Variants in RELCH observed in about 807,000 individuals in gnomAD.
The protein encoded by RELCH is RAB11 binding and LisH domain, coiled-coil and HEAT repeat containing, also known as RAB11-binding protein RELCH.
In RELCH, 41 loss-of-function variants were observed where a neutral mutation model predicts 150.3. The observed-to-expected ratio is 0.27, with a 90% CI of 0.21 to 0.35. The LOEUF is 0.35. Ranked by LOEUF, RELCH falls within the 10% of genes least tolerant of loss-of-function variation. The pLI, the probability that RELCH is intolerant of heterozygous loss-of-function variation, is 1.00. For synonymous variants in RELCH, 478 were observed against 531.8 expected (o/e 0.90, Z 1.39); for missense variants, 1,092 against 1,467.8 (o/e 0.74, Z 4.18).
intron 26 of RELCH, among the ~76,000 whole-genome samples, chr18:62,290,522 A>G (rs1331815285): frequency 1.3e-5 from 2 of 152,050 alleles, no homozygotes; most frequent in African/African-American, 4.8e-5. Flanking sequence ...GAAGAGCAAA[A>G]AATTCTGTTA....
intron 1 of RELCH, among the ~76,000 whole-genome samples, chr18:62,207,513 A>T (rs2039880749): frequency 6.6e-6 from 1 of 152,196 alleles, no homozygotes; most frequent in African/African-American, 2.4e-5. Flanking sequence ...CTTTAGGTGG[A>T]AGTAGAATTA....
At chr18:62,245,421 C>T (rs1244485572) in intron 11 of RELCH, among the ~76,000 whole-genome samples, 1 of 152,060 alleles carries the variant, frequency 6.6e-6, no homozygotes, top group Non-Finnish European at 1.5e-5. Context: ...GTCAGGAATT[C>T]GTGACCAGCC....
chr18:62,276,461 A>G (rs1285240792), intron 22 of RELCH, among the ~76,000 whole-genome samples: 1 of 152,118 alleles, frequency 6.6e-6, no homozygotes, highest in Non-Finnish European at 1.5e-5. Context: ...TATTTTTTCC[A>G]TCCATGCTAT....
chr18:62,229,354 G>C (rs1026151533), intron 8 of RELCH, among the ~76,000 whole-genome samples: 1 of 152,002 alleles, frequency 6.6e-6, no homozygotes, highest in African/African-American at 2.4e-5. Context: ...TGCCTACTAT[G>C]AGCATATAAT....
intron 11 of RELCH, among the ~76,000 whole-genome samples, chr18:62,250,547 G>C (rs1029318955): frequency 6.6e-5 from 10 of 152,100 alleles, no homozygotes; most frequent in African/African-American, 2.2e-4. Flanking sequence ...AAAGTAGAAG[G>C]AAATAGGAAT....
chr18:62,238,820 C>G (rs1327194597), intron 10 of RELCH, among the ~76,000 whole-genome samples: 1 of 152,000 alleles, frequency 6.6e-6, no homozygotes, highest in African/African-American at 2.4e-5. Flanking sequence ...TGAAACATAT[C>G]TCAATAAAAC....
chr18:62,299,834 T>A (rs2145140707), intron 28 of RELCH, among the ~76,000 whole-genome samples: 1 of 152,330 alleles, frequency 6.6e-6, no homozygotes, highest in African/African-American at 2.4e-5. Context: ...TCCCATTCTC[T>A]GATATGTATC....
At chr18:62,263,034 C>T (rs1383164632) in intron 16 of RELCH, among the ~76,000 whole-genome samples, 1 of 151,988 alleles carries the variant, frequency 6.6e-6, no homozygotes, top group African/African-American at 2.4e-5. Context: ...TTTCTGTGTG[C>T]TTGTTTCTGT....
chr18:62,280,242 G>A (rs1015792009), intron 23 of RELCH: 3 of 766,516 alleles, frequency 3.9e-6, no homozygotes, highest in Non-Finnish European at 6.8e-6. Context: ...AATGTCTCGT[G>A]TGGATGACTA....
In RELCH at chr18:62,187,356, T is replaced by C. The variant is rs113596313; in HGVS notation, c.-150T>C. On this transcript the variant is annotated 5_prime_UTR_variant, in exon 1 of 29. Coordinates refer to ENST00000644646, the MANE Select transcript of RELCH (RefSeq NM_001346231.2). The stretch of plus-strand genomic sequence containing the variant: ...TGCAGCTGCATCCGGATCTCCTGCC[T>C]TGGAGCGTACTCCTTGTCTCTAAGT... The C allele has an allele frequency of 4.6e-3, 3,054 of 662,744 alleles. 14 individuals carry two copies. The highest frequency in any genetic ancestry group is 5.6e-3 in the Non-Finnish European group (2,333 of 419,534). 41.1% of individuals were successfully genotyped at this position (662,744 alleles called of 1,614,324 possible). A position where few individuals can be genotyped will look rare whatever the true frequency, so the allele number is the denominator to read the frequency against.
At chr18:62,188,146 G>C in intron 1 of RELCH, 115 bp downstream of exon 1, 1 of 1,220,424 alleles carries the variant, frequency 8.2e-7, no homozygotes, top group Non-Finnish European at 1.1e-6. Context: ...TAAGGAACGA[G>C]AGTATTGGGG....
At position 62,211,144 on chromosome 18, in the gene RELCH, T is replaced by G. The variant is rs372655113; in HGVS notation, c.527-9T>G. 31 of 1,491,204 alleles carry G rather than the reference T, an allele frequency of 2.1e-5. No homozygotes were observed. The highest frequency in any genetic ancestry group is 4.6e-5 in the East Asian group (2 of 43,826). The allele number at this position is 1,491,204 out of a possible 1,614,324, so 92.4% of individuals were successfully genotyped here. ...AATTAAAAAACTTTTATATTTCTCT[T>G]TATTATAGATCGAGCTGGGAGCATT... On this transcript the variant is annotated splice_polypyrimidine_tract_variant and intron_variant, in intron 1 of 28. Coordinates refer to ENST00000644646, the MANE Select transcript of RELCH (RefSeq NM_001346231.2).
chr18:62,229,951 T>C (rs1373958514), intron 8 of RELCH, among the ~76,000 whole-genome samples: 2 of 152,052 alleles, frequency 1.3e-5, no homozygotes, highest in Admixed American at 1.3e-4. Flanking sequence ...TGGGACATGA[T>C]GGTATCTAAG....
chr18:62,303,466 T>A (rs1358044596), intron 28 of RELCH, among the ~76,000 whole-genome samples: 1 of 152,342 alleles, frequency 6.6e-6, no homozygotes, highest in African/African-American at 2.4e-5. Flanking sequence ...CTTAACATCA[T>A]GGTTGGCCTC....
chr18:62,278,885 A>G (rs927814592), intron 22 of RELCH, among the ~76,000 whole-genome samples: 1 of 152,136 alleles, frequency 6.6e-6, no homozygotes, highest in Non-Finnish European at 1.5e-5. Flanking sequence ...GAAATCTAAA[A>G]CAAAGACCTA....
chr18:62,277,816 A>C (rs1568422970), intron 22 of RELCH: 1 of 827,228 alleles, frequency 1.2e-6, no homozygotes, highest in South Asian at 5.5e-5. Flanking sequence ...AGAGGAATTT[A>C]TCATGTTATA....
Position 62,258,660 on chromosome 18 carries a change from T to G in RELCH, c.2186T>G (p.Ile729Ser), listed in dbSNP as rs777741251. Residue 729 changes from isoleucine (I) to serine (S), a missense_variant, in exon 15 of 29, where the codon ATT becomes AGT. Ile to Ser is a moderately radical substitution (Grantham distance 142). Coordinates refer to ENST00000644646, the MANE Select transcript of RELCH (RefSeq NM_001346231.2). ...SHLILTLLNK[I>S]EKLLREGEHG... ...CTTATACTTACACTACTGAACAAGA[T>G]TGAAAAACTTCTCAGGGTAAGTTCT... is the stretch of plus-strand genomic sequence containing the variant. 3 of 1,585,748 alleles carry G rather than the reference T, an allele frequency of 1.9e-6. No homozygotes were observed. Among genetic ancestry groups the G allele is most frequent in the Non-Finnish European group, 2.6e-6 (3 of 1,171,398 alleles).
intron 15 of RELCH, 95 bp from the exon 16 acceptor site, chr18:62,261,416 T>G: frequency 1.7e-6 from 2 of 1,161,818 alleles, no homozygotes; most frequent in East Asian, 4.8e-5. Context: ...CTTAAATCTT[T>G]GATTTGCCAC....
intron 11 of RELCH, among the ~76,000 whole-genome samples, chr18:62,247,701 C>T (rs1041586375): frequency 5.3e-5 from 8 of 152,006 alleles, no homozygotes; most frequent in African/African-American, 1.4e-4. Context: ...CATGCATCAC[C>T]ATGCCTGGCT....
Sources: allele counts gnomAD v4.1 joint callset (sites outside exome capture counted in the v4.1 genomes callset), GRCh38; gene constraint gnomAD v4.1.1; transcripts MANE v1.5; gene names NCBI Gene and HGNC (gene_info 2026-07-23, HGNC 2026-07-21).